The following CELF2 variants were observed in gnomAD, a reference collection of about 807,000 sequenced individuals.
The protein encoded by CELF2 is CUGBP Elav-like family member 2.
CELF2 carries 8 observed loss-of-function variants against 62.6 expected under a neutral mutation model. The observed-to-expected ratio is 0.13, with a 90% CI of 0.07 to 0.23. The LOEUF (loss-of-function observed/expected upper bound fraction) is 0.23, where lower values mean the gene tolerates loss of function less well. CELF2 is among the 10% of genes least tolerant of loss of function. The pLI is 1.00. For missense variants in CELF2, 333 were observed against 671.0 expected (o/e 0.50, Z 5.56); for synonymous variants, 258 against 250.0 (o/e 1.03, Z -0.30).
At chr10:11,128,438 A>T (rs2059080123) in intron 1 of CELF2, among the ~76,000 whole-genome samples, 1 of 152,126 alleles carries the variant, frequency 6.6e-6, no homozygotes, top group African/African-American at 2.4e-5. Flanking sequence ...CTTGATGGGG[A>T]TGGCATTCAA....
chr10:10,736,355 C>G, the CELF2 span, among the ~76,000 whole-genome samples: 3 of 108,380 alleles, frequency 2.8e-5, no homozygotes, highest in Non-Finnish European at 5.8e-5. Context: ...AAACTGATTT[C>G]TATTCTTTCT....
intron 1 of CELF2, among the ~76,000 whole-genome samples, chr10:11,006,810 T>C (rs2055359518): frequency 6.6e-6 from 1 of 152,254 alleles, no homozygotes. Flanking sequence ...TTTATGCTTA[T>C]GTCCTTATAA....
chr10:11,198,178 G>A (rs772059955), intron 2 of CELF2, among the ~76,000 whole-genome samples: 4 of 152,180 alleles, frequency 2.6e-5, no homozygotes, highest in Non-Finnish European at 1.5e-5. Context: ...AAGGATAGCT[G>A]TGTAATCAGT....
At chr10:10,986,960 C>A (rs1031464553) in intron 2 of CELF2, among the ~76,000 whole-genome samples, 8 of 152,326 alleles carry the variant, frequency 5.3e-5, no homozygotes, top group African/African-American at 1.7e-4. Context: ...TGAAAATGTG[C>A]AGTCTGCTGT....
chr10:10,878,568 G>T (rs1410156579), intron 1 of CELF2, among the ~76,000 whole-genome samples: 1 of 152,066 alleles, frequency 6.6e-6, no homozygotes, highest in Non-Finnish European at 1.5e-5. Flanking sequence ...CGTCCAAGTG[G>T]GCAGGCCTAG....
chr10:11,179,837 C>T (rs546980992), intron 2 of CELF2, among the ~76,000 whole-genome samples: 4 of 152,236 alleles, frequency 2.6e-5, no homozygotes, highest in Admixed American at 6.5e-5. Context: ...TTGTCCAGCT[C>T]GTATAGAGTG....
At chr10:11,173,725 T>C (rs1565085783) in intron 2 of CELF2, among the ~76,000 whole-genome samples, 1 of 152,154 alleles carries the variant, frequency 6.6e-6, no homozygotes, top group African/African-American at 2.4e-5. Context: ...TAATATTGGG[T>C]GGGCCAAACC....
chr10:10,499,064 T>A, the CELF2 span, among the ~76,000 whole-genome samples: 4 of 140,168 alleles, frequency 2.9e-5, no homozygotes, highest in Non-Finnish European at 6.0e-5. Flanking sequence ...TTCCCAAGCA[T>A]TCTACTTTTT....
intron 2 of CELF2, among the ~76,000 whole-genome samples, chr10:10,991,270 A>C (rs573706636): frequency 1.3e-4 from 20 of 152,264 alleles, no homozygotes; most frequent in Admixed American, 3.9e-4. Flanking sequence ...AGGTAAGAAA[A>C]AGGTTTGCAA....
At chr10:11,025,271 A>C (rs1041473237) in intron 1 of CELF2, among the ~76,000 whole-genome samples, 1 of 142,418 alleles carries the variant, frequency 7.0e-6, no homozygotes, top group African/African-American at 2.6e-5. Context: ...CTGGAAAGTC[A>C]TCTTATTGGA....
intron 1 of CELF2, among the ~76,000 whole-genome samples, chr10:10,846,406 C>T (rs928142943): frequency 6.6e-6 from 1 of 151,918 alleles, no homozygotes; most frequent in East Asian, 1.9e-4. Context: ...ACTGAGAGCC[C>T]GAGGAATCCA....
chr10:10,846,044 G>C (rs930698013), intron 1 of CELF2: 1 of 941,140 alleles, frequency 1.1e-6, no homozygotes, highest in African/African-American at 1.8e-5. Context: ...ATTAACCTGT[G>C]AACCCCCTTT....
intron 2 of CELF2, chr10:10,946,501 A>G (rs1233746301): frequency 6.6e-6 from 1 of 152,596 alleles, no homozygotes; most frequent in East Asian, 1.9e-4. Context: ...ACTGTATATG[A>G]TAAAACTTAC....
chr10:10,764,143 G>A, the CELF2 span, among the ~76,000 whole-genome samples: 353 of 152,338 alleles, frequency 2.3e-3, 1 homozygote, highest in Admixed American at 3.2e-3. Flanking sequence ...TGTCAGTAGG[G>A]ATACTCTGGG....
chr10:11,193,645 G>C (rs1480310268), intron 2 of CELF2, among the ~76,000 whole-genome samples: 1 of 152,172 alleles, frequency 6.6e-6, no homozygotes, highest in African/African-American at 2.4e-5. Context: ...ACCCACCTAG[G>C]GGCCGGGTGT....
chr10:11,259,575 G>A (rs2079852948), intron 5 of CELF2, among the ~76,000 whole-genome samples: 1 of 152,196 alleles, frequency 6.6e-6, no homozygotes, highest in African/African-American at 2.4e-5. Context: ...TGGAATAGCA[G>A]ATCCAGTATC....
At chr10:10,961,954 T>C (rs1279987443) in intron 2 of CELF2, among the ~76,000 whole-genome samples, 1 of 151,726 alleles carries the variant, frequency 6.6e-6, no homozygotes, top group Non-Finnish European at 1.5e-5. Flanking sequence ...TACAGCCAGG[T>C]GCGGTGACTC....
intron 2 of CELF2, chr10:10,946,621 T>G (rs1432720572): frequency 1.3e-5 from 2 of 152,420 alleles, no homozygotes; most frequent in Admixed American, 6.6e-5. Context: ...AAAGTTTTAG[T>G]GTTTTTTTTT....
At chr10:11,301,957 C>T (rs1002431403) in intron 9 of CELF2, among the ~76,000 whole-genome samples, 5 of 152,190 alleles carry the variant, frequency 3.3e-5, no homozygotes, top group Admixed American at 3.3e-4. Flanking sequence ...GGTCAGCCGC[C>T]TCCGCCTTCG....
Sources: allele counts gnomAD v4.1 joint callset (sites outside exome capture counted in the v4.1 genomes callset), GRCh38; gene constraint gnomAD v4.1.1; transcripts MANE v1.5; gene names NCBI Gene and HGNC (gene_info 2026-07-23, HGNC 2026-07-21).